GNAQ: variants seen among roughly 807,000 people sequenced by gnomAD.
The protein encoded by GNAQ is G protein subunit alpha q.
In GNAQ, 8 loss-of-function variants were observed where a neutral mutation model predicts 43.9. That is an observed-to-expected ratio of 0.18 (90% CI 0.11 to 0.33). The LOEUF (loss-of-function observed/expected upper bound fraction) is 0.33. Ranked by LOEUF, GNAQ falls within the 10% of genes least tolerant of loss-of-function variation. The pLI is 1.00. For missense variants in GNAQ, 158 were observed against 450.8 expected, an observed-to-expected ratio of 0.35 and a Z score of 5.88; for synonymous variants, 155 against 170.7, an observed-to-expected ratio of 0.91 and a Z score of 0.71.
intron 1 of GNAQ, among the ~76,000 whole-genome samples, chr9:77,988,430 C>A (rs1376738872): frequency 6.6e-6 from 1 of 152,170 alleles, no homozygotes; most frequent in Non-Finnish European, 1.5e-5. Flanking sequence ...GATTAATCTG[C>A]CAAAGGATTT....
intron 2 of GNAQ, among the ~76,000 whole-genome samples, chr9:77,888,970 T>C (rs1828355042): frequency 6.6e-6 from 1 of 152,182 alleles, no homozygotes. Context: ...TCCCATAAGC[T>C]TGAACTCCTC....
chr9:77,751,963 T>G (rs78921282), intron 5 of GNAQ, among the ~76,000 whole-genome samples: 2 of 152,358 alleles, frequency 1.3e-5, no homozygotes, highest in East Asian at 1.9e-4. Context: ...AAAATGATGG[T>G]TGAGGTACAC....
chr9:77,797,757 A>G (rs1048937940), intron 3 of GNAQ, 109 bp from the exon 4 acceptor site: 1 of 938,166 alleles, frequency 1.1e-6, no homozygotes, highest in African/African-American at 1.7e-5. Context: ...AAGAAGAGAA[A>G]GAAAAATATC....
chr9:77,817,712 G>C (rs944355277), intron 2 of GNAQ, among the ~76,000 whole-genome samples: 2 of 152,144 alleles, frequency 1.3e-5, no homozygotes, highest in African/African-American at 4.8e-5. Context: ...CAGTACCACT[G>C]AGCAAAACAA....
At chr9:77,844,927 G>A (rs1484901177) in intron 2 of GNAQ, among the ~76,000 whole-genome samples, 2 of 151,946 alleles carry the variant, frequency 1.3e-5, no homozygotes, top group Non-Finnish European at 2.9e-5. Context: ...TGCCTGCCTC[G>A]GCCTCCCAAG....
intron 5 of GNAQ, among the ~76,000 whole-genome samples, chr9:77,759,224 C>T (rs1366430762): frequency 6.6e-6 from 1 of 152,114 alleles, no homozygotes; most frequent in East Asian, 1.9e-4. Context: ...GAACTGAATG[C>T]CATTATAATA....
chr9:77,874,281 G>A (rs1194227114), intron 2 of GNAQ, among the ~76,000 whole-genome samples: 4 of 152,042 alleles, frequency 2.6e-5, no homozygotes, highest in Non-Finnish European at 4.4e-5. Flanking sequence ...AAGGTAAAAC[G>A]AGTCTTTCCT....
chr9:77,817,843 C>T (rs144785493), intron 2 of GNAQ, among the ~76,000 whole-genome samples: 117 of 152,096 alleles, frequency 7.7e-4, no homozygotes, highest in Middle Eastern at 3.4e-3. Context: ...GGAGGTCAAA[C>T]GAGGTGTCAG....
chr9:77,928,497 C>T (rs1039441846), intron 1 of GNAQ, among the ~76,000 whole-genome samples: 1 of 152,140 alleles, frequency 6.6e-6, no homozygotes, highest in Non-Finnish European at 1.5e-5. Context: ...ACAGGCAAAA[C>T]ACATTGAAAA....
At chr9:77,986,532 G>GTT (rs766284604) in intron 1 of GNAQ, among the ~76,000 whole-genome samples, 1 of 152,130 alleles carries the variant, frequency 6.6e-6, no homozygotes, top group Non-Finnish European at 1.5e-5. Flanking sequence ...TTGGGACAGG[G>GTT]TCTCGTTCTG....
intron 5 of GNAQ, among the ~76,000 whole-genome samples, chr9:77,746,020 G>A (rs777347962): frequency 1.8e-4 from 28 of 152,106 alleles, no homozygotes; most frequent in Admixed American, 5.9e-4. Flanking sequence ...ATAGAAAATA[G>A]GTCACATATA....
intron 3 of GNAQ, among the ~76,000 whole-genome samples, chr9:77,809,563 T>C (rs755681578): frequency 5.3e-5 from 8 of 151,972 alleles, no homozygotes; most frequent in Non-Finnish European, 8.8e-5. Context: ...AACGAAAAAG[T>C]TAATAAAGTA....
intron 5 of GNAQ, among the ~76,000 whole-genome samples, chr9:77,767,431 G>GT (rs1424051708): frequency 6.6e-6 from 1 of 152,138 alleles, no homozygotes; most frequent in Admixed American, 6.5e-5. Context: ...AACATACCAT[G>GT]TGGGTGGGCA....
At chr9:77,889,840 A>G (rs1013825079) in intron 2 of GNAQ, among the ~76,000 whole-genome samples, 3 of 152,192 alleles carry the variant, frequency 2.0e-5, no homozygotes, top group African/African-American at 7.2e-5. Context: ...CTCTTAAATT[A>G]TCATGGCCTA....
intron 2 of GNAQ, among the ~76,000 whole-genome samples, chr9:77,874,824 T>C (rs902672660): frequency 6.6e-6 from 1 of 152,012 alleles, no homozygotes; most frequent in African/African-American, 2.4e-5. Context: ...TTTCGCCATG[T>C]TGGACAGGCT....
At chr9:77,888,903 T>G (rs10118492) in intron 2 of GNAQ, among the ~76,000 whole-genome samples, 1,874 of 152,166 alleles carry the variant, frequency 0.012, 47 homozygotes, top group African/African-American at 0.043. Context: ...CGGAAGAGAT[T>G]CCATTTTCAG....
chr9:78,031,754 C>T lies in GNAQ; in HGVS notation c.-519G>A, dbSNP rs1387226463. On this transcript the variant is annotated 5_prime_UTR_variant, in exon 1 of 7. Transcript: ENST00000286548. ...ACACGGCTCCCGGGCGCCCTCGGCC[C>T]TGTCCGCGCCCACCGCCCGGCTCGC... is the stretch of plus-strand genomic sequence containing the variant. 2.0e-5 allele frequency among the ~76,000 whole-genome samples: 3 copies of T among 147,852 alleles called. No individual in the cohort carries two copies. In the East Asian group the frequency reaches 6.1e-4, roughly 30 times the overall value.
intron 5 of GNAQ, among the ~76,000 whole-genome samples, chr9:77,775,752 T>A (rs1352388957): frequency 6.6e-6 from 1 of 152,120 alleles, no homozygotes; most frequent in Non-Finnish European, 1.5e-5. Context: ...GCACTTTCAC[T>A]CATCAATTGT....
intron 1 of GNAQ, among the ~76,000 whole-genome samples, chr9:77,951,686 A>T (rs970916138): frequency 1.3e-5 from 2 of 152,076 alleles, no homozygotes; most frequent in African/African-American, 4.8e-5. Flanking sequence ...TACTTTAAGG[A>T]GGAGAGGCTG....
Sources: gnomAD v4.1 joint callset for allele counts (sites outside exome capture counted in the v4.1 genomes callset) on GRCh38, gnomAD v4.1.1 for gene constraint, MANE v1.5 for transcripts, NCBI Gene and HGNC (gene_info 2026-07-23, HGNC 2026-07-21) for gene names.